The following ADGRF1 variants were observed in gnomAD, a reference collection of about 807,000 sequenced individuals.
ADGRF1 encodes adhesion G protein-coupled receptor F1.
A neutral mutation model predicts 87.2 loss-of-function variants in ADGRF1; 85 were observed. That is an observed-to-expected ratio of 0.97 (90% CI 0.82 to 1.17). ADGRF1 has a LOEUF of 1.17. Ranked by LOEUF, ADGRF1 falls within the 50% of genes most tolerant of loss-of-function variation. ADGRF1 has a pLI of 0.00. For synonymous variants in ADGRF1, 430 were observed against 408.8 expected (o/e 1.05, Z -0.63); for missense variants, 1,169 against 1,077.2 (o/e 1.09, Z -1.19).
intron 1 of ADGRF1, among the ~76,000 whole-genome samples, chr6:47,040,504 C>T (rs1224074118): frequency 1.4e-5 from 2 of 147,802 alleles, no homozygotes; most frequent in Non-Finnish European, 1.5e-5. Context: ...AAAAAACAGG[C>T]AAAATATTTT....
chr6:47,014,361 C>G (rs1380537075), intron 9 of ADGRF1: 1 of 1,044,944 alleles, frequency 9.6e-7, no homozygotes, highest in Non-Finnish European at 1.2e-6. Context: ...CCCAGGTCTT[C>G]TGGACTTCTG....
intron 11 of ADGRF1, among the ~76,000 whole-genome samples, chr6:47,007,751 C>A (rs1779574086): frequency 6.6e-6 from 1 of 152,140 alleles, no homozygotes; most frequent in African/African-American, 2.4e-5. Context: ...CTTGGGGAAC[C>A]CTTGGTAAAT....
chr6:47,020,314 G>T, intron 7 of ADGRF1: 1 of 946,244 alleles, frequency 1.1e-6, no homozygotes, highest in Non-Finnish European at 1.5e-6. Flanking sequence ...CCAACATGGT[G>T]AAACCCTGTC....
At position 47,041,861 on chromosome 6, in the gene ADGRF1, C is replaced by T. The variant is rs114880210; in HGVS notation, c.-44+330G>A. Among the ~76,000 whole-genome samples the T allele has an allele frequency of 8.3e-3, 1,261 of 152,200 alleles. 15 individuals are homozygous for T. Among genetic ancestry groups the T allele is most frequent in the African/African-American group, 0.029 (1,215 of 41,506 alleles). On this transcript the variant is annotated intron_variant, in intron 1 of 14. Coordinates refer to ENST00000371253, the MANE Select transcript of ADGRF1 (RefSeq NM_153840.4). ...ACTTTAACAAGTATCTTTGGTGGAG[C>T]CCTTTTTATTCTAGGCAATCTACCT...
At chr6:47,033,928 C>T (rs762448570) in intron 1 of ADGRF1, among the ~76,000 whole-genome samples, 1 of 152,106 alleles carries the variant, frequency 6.6e-6, no homozygotes, top group Non-Finnish European at 1.5e-5. Context: ...GTTATATGAG[C>T]GAGACAAACT....
Position 47,007,119 on chromosome 6 carries a change from C to G in ADGRF1, c.2532+134G>C, listed in dbSNP as rs189130210. 2.2e-4 allele frequency: 113 copies of G among 511,710 alleles called. 1 individual carries two copies. The highest frequency in any genetic ancestry group is 2.1e-3 in the African/African-American group (108 of 50,750). 31.7% of individuals were successfully genotyped at this position (511,710 alleles called of 1,614,324 possible). A position where few individuals can be genotyped will look rare whatever the true frequency, so the allele number is the denominator to read the frequency against. ...TGTTTTCTGACTGAGCCTGACTTCT[C>G]TAAAAGCACAGAATTTTATTACAAA... On this transcript the variant is annotated intron_variant, in intron 12 of 14. Transcript: ENST00000371253.
At chr6:47,001,384 G>T in intron 14 of ADGRF1, 117 bp downstream of exon 14, 1 of 797,860 alleles carries the variant, frequency 1.3e-6, no homozygotes, top group Non-Finnish European at 2.0e-6. Flanking sequence ...ATGGCTGGCT[G>T]ATAATCCCAC....
chr6:47,024,615 T>G (rs111809830), intron 4 of ADGRF1, among the ~76,000 whole-genome samples: 49 of 152,170 alleles, frequency 3.2e-4, no homozygotes, highest in African/African-American at 1.1e-3. Context: ...CGCCTGACCC[T>G]GAGTAGTGAT....
At position 47,012,156 on chromosome 6, in the gene ADGRF1, C is replaced by T. The variant is rs1779727209; in HGVS notation, c.967G>A (p.Val323Met). 3 of 1,613,946 alleles carry T rather than the reference C, an allele frequency of 1.9e-6. No homozygotes were observed. Among genetic ancestry groups the T allele is most frequent in the African/African-American group, 1.3e-5 (1 of 75,064 alleles). The change falls in exon 10 of 15, where the codon GTG (valine) becomes ATG (methionine). Residue 323 changes from valine (V) to methionine (M), a missense_variant. Coordinates refer to ENST00000371253, the MANE Select transcript of ADGRF1 (RefSeq NM_153840.4). ...GAAAGATTTTGCACGAAGGATGACA[C>T]AGCTGCCTCAGTGGCATTGCCTACA... is the stretch of plus-strand genomic sequence containing the variant. The part of the protein sequence containing the change: ...MIVGNATEAA[V>M]SSFVQNLSVI...
At chr6:47,008,676 T>A (rs1414358910) in intron 11 of ADGRF1, among the ~76,000 whole-genome samples, 1 of 152,178 alleles carries the variant, frequency 6.6e-6, no homozygotes, top group Non-Finnish European at 1.5e-5. Context: ...GAGAACTGAG[T>A]CAGCAGCAAG....
At chr6:47,021,366 T>TG (rs1780044383) in intron 6 of ADGRF1, among the ~76,000 whole-genome samples, 1 of 152,158 alleles carries the variant, frequency 6.6e-6, no homozygotes, top group African/African-American at 2.4e-5. Context: ...ATCATGATTT[T>TG]TTTTTGTTTT....
intron 14 of ADGRF1, among the ~76,000 whole-genome samples, 154 bp downstream of exon 14, chr6:47,001,346 GA>G (rs1779358700): frequency 6.6e-6 from 1 of 152,212 alleles, no homozygotes; most frequent in Non-Finnish European, 1.5e-5. Context: ...TGTCAGCCCT[GA>G]GCACGGTCTG....
chr6:47,020,710 T>TA (rs773822513), intron 7 of ADGRF1, 21 bp downstream of exon 7: 1 of 1,612,222 alleles, frequency 6.2e-7, no homozygotes, highest in African/African-American at 1.3e-5. Flanking sequence ...GATGCCCTTC[T>TA]AAGACCATTG....
chr6:47,029,952 C>G (rs994805042), intron 1 of ADGRF1, among the ~76,000 whole-genome samples: 1 of 152,202 alleles, frequency 6.6e-6, no homozygotes, highest in Non-Finnish European at 1.5e-5. Flanking sequence ...CTTCTGGCCT[C>G]TCAATGTTTC....
intron 7 of ADGRF1, chr6:47,019,143 T>C (rs1177600600): frequency 2.9e-6 from 1 of 346,860 alleles, no homozygotes; most frequent in East Asian, 1.7e-4. Context: ...TTACTGTGAT[T>C]TGGTCTGCAG....
chr6:47,006,982 T>A (rs1779551656), intron 12 of ADGRF1, among the ~76,000 whole-genome samples: 1 of 152,210 alleles, frequency 6.6e-6, no homozygotes, highest in South Asian at 2.1e-4. Context: ...CATACCATAA[T>A]TTAAATTAGA....
rs1481839678 is a variant in ADGRF1, at chr6:46,999,981, C to T, written c.*241G>A. 4.8e-6 allele frequency: 2 copies of T among 414,336 alleles called. No individual in the cohort carries two copies. The highest frequency in any genetic ancestry group is 3.9e-5 in the East Asian group (1 of 25,428). The allele number at this position is 414,336 out of a possible 1,614,324, so 25.7% of individuals were successfully genotyped here. ...ACAACTGACACGATTTCCAACAAAA[C>T]CTACTCTTCTGCATTTATGGAGCAC... is the stretch of plus-strand genomic sequence containing the variant. On this transcript the variant is annotated 3_prime_UTR_variant, in exon 15 of 15. Transcript: ENST00000371253.
At chr6:47,008,801 C>A (rs1779603425) in intron 11 of ADGRF1, 144 bp downstream of exon 11, 6 of 684,254 alleles carry the variant, frequency 8.8e-6, no homozygotes, top group Non-Finnish European at 1.2e-5. Flanking sequence ...ATATTTTTTT[C>A]TATTTATTGT....
chr6:47,031,331 T>TTCTCTCTCTC (rs368788829), intron 1 of ADGRF1, among the ~76,000 whole-genome samples: 1 of 128,250 alleles, frequency 7.8e-6, no homozygotes, highest in African/African-American at 2.9e-5. Flanking sequence ...TCTCTCTCTC[T>TTCTCTCTCTC]TCTCTCTCTC....
Sources: gnomAD v4.1 joint callset for allele counts (sites outside exome capture counted in the v4.1 genomes callset) on GRCh38, gnomAD v4.1.1 for gene constraint, MANE v1.5 for transcripts, NCBI Gene and HGNC (gene_info 2026-07-23, HGNC 2026-07-21) for gene names.